DLG2: variants seen among roughly 807,000 people sequenced by gnomAD.
DLG2 encodes discs large MAGUK scaffold protein 2.
DLG2 carries 45 observed loss-of-function variants against 132.5 expected under a neutral mutation model. The ratio of observed to expected loss-of-function variants is 0.34; its 90% CI spans 0.27 to 0.44. The LOEUF is 0.44. Among genes scored for constraint, DLG2 ranks in the 20% least tolerant of loss-of-function variants. The pLI is 1.00. For synonymous variants in DLG2, 424 were observed against 419.6 expected (o/e 1.01, Z -0.13); for missense variants, 1,045 against 1,196.9 (o/e 0.87, Z 1.87).
At chr11:84,266,470 C>T (rs959656361) in intron 7 of DLG2, among the ~76,000 whole-genome samples, 24 of 152,090 alleles carry the variant, frequency 1.6e-4, no homozygotes, top group African/African-American at 5.3e-4. Context: ...CCATTAATAG[C>T]CTTGTTCATA....
intron 6 of DLG2, among the ~76,000 whole-genome samples, chr11:84,792,217 T>C (rs2073949845): frequency 6.6e-6 from 1 of 152,222 alleles, no homozygotes; most frequent in Non-Finnish European, 1.5e-5. Flanking sequence ...TCATTCTGTT[T>C]ATATGGTGTA....
chr11:84,201,413 T>A (rs1218953100), intron 8 of DLG2, among the ~76,000 whole-genome samples: 1 of 152,156 alleles, frequency 6.6e-6, no homozygotes, highest in Non-Finnish European at 1.5e-5. Flanking sequence ...TTCTTTTTTG[T>A]TGTTGTATCT....
intron 4 of DLG2, among the ~76,000 whole-genome samples, chr11:85,198,794 T>G (rs1399224774): frequency 6.6e-6 from 1 of 152,128 alleles, no homozygotes; most frequent in Non-Finnish European, 1.5e-5. Context: ...CCACCCCATC[T>G]TTCTCTTACC....
chr11:84,879,672 C>CATGA (rs1299498362), intron 6 of DLG2, among the ~76,000 whole-genome samples: 1 of 152,100 alleles, frequency 6.6e-6, no homozygotes, highest in Non-Finnish European at 1.5e-5. Flanking sequence ...CTAGGACGTT[C>CATGA]AATTGTCAAT....
At position 84,777,281 on chromosome 11, in the gene DLG2, G is replaced by GTATATA. The variant is rs71036441; in HGVS notation, c.358-242556_358-242551dup. Among the ~76,000 whole-genome samples the GTATATA allele has an allele frequency of 3.4e-3, 322 of 94,882 alleles. 1 individual carries two copies. Among genetic ancestry groups the GTATATA allele is most frequent in the East Asian group, 8.4e-3 (21 of 2,502 alleles). 62.2% of individuals were successfully genotyped at this position (94,882 alleles called of 152,430 possible). A position where few individuals can be genotyped will look rare whatever the true frequency, so the allele number is the denominator to read the frequency against. On this transcript the variant is annotated intron_variant, in intron 6 of 27. Coordinates refer to ENST00000376104, the MANE Select transcript of DLG2 (RefSeq NM_001142699.3). ...TGTGTGTGTATGTATATGTGTGTGT[G>GTATATA]TATATATATATATATATATATATAT...
At chr11:83,728,714 C>T (rs2090470212) in intron 18 of DLG2, among the ~76,000 whole-genome samples, 1 of 152,230 alleles carries the variant, frequency 6.6e-6, no homozygotes, top group Non-Finnish European at 1.5e-5. Context: ...TCATTCTTCC[C>T]CTGCTTTCAG....
chr11:83,458,524 G>A lies in DLG2; in HGVS notation c.*1294C>T, dbSNP rs2089348890. On this transcript the variant is annotated 3_prime_UTR_variant, in exon 28 of 28. Transcript: ENST00000376104. ...CTTCTCTCTCTTCCTCAAAGAAATA[G>A]TGCATCTAGGAACAGATCTCTCATT... The A allele has an allele frequency of 1.3e-5, 2 of 152,936 alleles. No individual in the cohort carries two copies. The highest frequency in any genetic ancestry group is 1.3e-4 in the Admixed American group (2 of 15,276). The allele number at this position is 152,936 out of a possible 1,614,324, so 9.5% of individuals were successfully genotyped here.
At chr11:84,105,133 T>C (rs2092812387) in intron 9 of DLG2, among the ~76,000 whole-genome samples, 1 of 152,142 alleles carries the variant, frequency 6.6e-6, no homozygotes, top group Admixed American at 6.6e-5. Flanking sequence ...ATACAAATTT[T>C]AGTTATAAGG....
Position 84,510,630 on chromosome 11 carries a change from T to G in DLG2, c.519+23940A>C, listed in dbSNP as rs532091249. Among the ~76,000 whole-genome samples, 4 of 152,324 alleles carry G rather than the reference T, an allele frequency of 2.6e-5. No individual in the cohort carries two copies. In the South Asian group the frequency reaches 8.3e-4, roughly 32 times the overall value. ...GTATCCAAATGTATGTAATATATAA[T>G]ACAACTTGGAACATATTTAGTATTT... On this transcript the variant is annotated intron_variant, in intron 7 of 27. Coordinates refer to ENST00000376104, the MANE Select transcript of DLG2 (RefSeq NM_001142699.3).
At chr11:84,655,163 C>T (rs1348462859) in intron 6 of DLG2, among the ~76,000 whole-genome samples, 1 of 152,102 alleles carries the variant, frequency 6.6e-6, no homozygotes, top group African/African-American at 2.4e-5. Flanking sequence ...GTATTGTACC[C>T]ATCATCAATA....
intron 8 of DLG2, among the ~76,000 whole-genome samples, chr11:84,204,497 T>G (rs2096640103): frequency 6.6e-6 from 1 of 151,874 alleles, no homozygotes; most frequent in African/African-American, 2.4e-5. Flanking sequence ...ACAAAATATG[T>G]GATTATTCCA....
intron 7 of DLG2, among the ~76,000 whole-genome samples, chr11:84,459,473 G>T (rs929165791): frequency 3.3e-5 from 5 of 150,584 alleles, no homozygotes; most frequent in Admixed American, 2.7e-4. Context: ...TTAAGTATTA[G>T]AAATTTTTAG....
In DLG2 at chr11:83,732,024, ATAATTATTATTACT is replaced by A. The variant is rs569972945; in HGVS notation, c.1825+54652_1825+54665del. 2.5e-4 allele frequency among the ~76,000 whole-genome samples: 38 copies of A among 152,346 alleles called. 1 individual carries two copies. The highest frequency in any genetic ancestry group is 8.9e-4 in the African/African-American group (37 of 41,588). ...GCTTTGTTACTATTTGGTATTATTC[ATAATTATTATTACT>A]AATAATTTGATTTTGCTGAGCCATG... On this transcript the variant is annotated intron_variant, in intron 18 of 27. Transcript: ENST00000376104.
intron 6 of DLG2, among the ~76,000 whole-genome samples, chr11:84,649,605 G>A (rs1024799018): frequency 3.3e-5 from 5 of 152,208 alleles, no homozygotes; most frequent in African/African-American, 9.6e-5. Flanking sequence ...GGAAAATCAA[G>A]GTACTGCATT....
chr11:84,097,853 T>C (rs1355345355), intron 10 of DLG2, among the ~76,000 whole-genome samples: 1 of 152,092 alleles, frequency 6.6e-6, no homozygotes, highest in Non-Finnish European at 1.5e-5. Context: ...TTCCAACCTA[T>C]AGTGCCTTTT....
rs1473669658 is a variant in DLG2 at position 85,627,295 on chromosome 11, C to A, written c.-337G>T. The stretch of plus-strand genomic sequence containing the variant: ...TGCTCTCCAAGCCCCCAGGCTTGAT[C>A]CTTAATGCCCCTCTGATTCTGATCC... On this transcript the variant is annotated 5_prime_UTR_variant, in exon 1 of 28. Coordinates refer to ENST00000376104, the MANE Select transcript of DLG2 (RefSeq NM_001142699.3). 1 of 152,078 alleles carries A rather than the reference C, an allele frequency of 6.6e-6. No individual in the cohort carries two copies. The highest frequency in any genetic ancestry group is 1.5e-5 in the Non-Finnish European group (1 of 68,016). 9.4% of individuals were successfully genotyped at this position (152,078 alleles called of 1,614,324 possible). A position where few individuals can be genotyped will look rare whatever the true frequency, so the allele number is the denominator to read the frequency against.
chr11:84,908,382 T>C (rs2091748588), intron 6 of DLG2, among the ~76,000 whole-genome samples: 1 of 152,210 alleles, frequency 6.6e-6, no homozygotes, highest in Non-Finnish European at 1.5e-5. Flanking sequence ...CAGTTCAGAC[T>C]ACCAATACCT....
intron 6 of DLG2, among the ~76,000 whole-genome samples, chr11:84,596,041 G>A (rs2099555926): frequency 6.6e-6 from 1 of 152,002 alleles, no homozygotes; most frequent in Non-Finnish European, 1.5e-5. Flanking sequence ...AATCACATAG[G>A]AGAAAAAATA....
intron 4 of DLG2, among the ~76,000 whole-genome samples, chr11:85,172,647 G>T (rs952011151): frequency 6.6e-6 from 1 of 152,152 alleles, no homozygotes; most frequent in Non-Finnish European, 1.5e-5. Context: ...AGGCTTCAGA[G>T]AGTGGTTAAT....
Sources: allele counts gnomAD v4.1 joint callset (sites outside exome capture counted in the v4.1 genomes callset), GRCh38; gene constraint gnomAD v4.1.1; transcripts MANE v1.5; gene names NCBI Gene and HGNC (gene_info 2026-07-23, HGNC 2026-07-21).